The following NSD1 variants were observed in gnomAD, a reference collection of about 807,000 sequenced individuals.
NSD1 encodes nuclear receptor binding SET domain protein 1.
A neutral mutation model predicts 242.7 loss-of-function variants in NSD1; 26 were observed. The observed-to-expected ratio is 0.11, with a 90% CI of 0.08 to 0.15. The LOEUF is 0.15. NSD1 is among the 10% of genes least tolerant of loss of function. The pLI is 1.00. For missense variants in NSD1, 2,495 were observed against 3,272.8 expected, an observed-to-expected ratio of 0.76 and a Z score of 5.80; for synonymous variants, 1,106 against 1,178.1, an observed-to-expected ratio of 0.94 and a Z score of 1.25.
chr5:177,153,158 G>A (rs1757861712), intron 2 of NSD1, among the ~76,000 whole-genome samples: 1 of 151,340 alleles, frequency 6.6e-6, no homozygotes, highest in Non-Finnish European at 1.5e-5. Flanking sequence ...GTGAAGTCTT[G>A]ATAGATACCT....
At position 177,291,969 on chromosome 5, in the gene NSD1, A is replaced by T; in HGVS notation, c.6274A>T (p.Thr2092Ser). ...TGACCTGTAGAATCAACCCATTGCC[A>T]CGGAAGAAAAGTCAAAGAAATTCAA... ...GVRPKNQPIA[T>S]EEKSKKFKKK... The change falls in exon 22 of 23, where the codon ACG becomes TCG. Residue 2092 changes from threonine (T) to serine (S), a missense_variant. Coordinates refer to ENST00000439151, the MANE Select transcript of NSD1 (RefSeq NM_022455.5). 1 of 1,613,822 alleles carries T rather than the reference A, an allele frequency of 6.2e-7. No individual in the cohort carries two copies. Among genetic ancestry groups the T allele is most frequent in the South Asian group, 1.1e-5 (1 of 91,022 alleles).
At chr5:177,249,767 G>A (rs1199814337) in intron 11 of NSD1, among the ~76,000 whole-genome samples, 3 of 152,168 alleles carry the variant, frequency 2.0e-5, no homozygotes, top group South Asian at 2.1e-4. Flanking sequence ...GATTACAGGC[G>A]TGAGCCACCA....
chr5:177,159,921 G>A (rs973043071), intron 2 of NSD1, among the ~76,000 whole-genome samples: 2 of 150,088 alleles, frequency 1.3e-5, no homozygotes, highest in Non-Finnish European at 3.0e-5. Context: ...ATGGAGTCTC[G>A]CTCTGTGGCC....
Position 177,210,336 on chromosome 5 carries a change from G to C in NSD1, c.1937G>C (p.Ser646Thr). ...ISICTTSDDG[S>T]SDLDPIEHSS... ...ATCTGTACCACTTCTGATGATGGAA[G>C]CAGTGACCTGGATCCCATAGAACAC... Residue 646 changes from serine to threonine, a missense_variant, in exon 5 of 23, where the codon AGC (serine) becomes ACC (threonine). This residue lies in a region of NSD1 where 515 missense variants were observed against 467.0 expected (regional missense o/e 1.10). Transcript: ENST00000439151. 6.2e-7 allele frequency: 1 copy of C among 1,614,064 alleles called. No individual in the cohort carries two copies. Among genetic ancestry groups the C allele is most frequent in the Non-Finnish European group, 8.5e-7 (1 of 1,179,976 alleles).
In NSD1 at chr5:177,240,605, C is replaced by T. The variant is rs573136952; in HGVS notation, c.4302+740C>T. Among the ~76,000 whole-genome samples, 310 of 151,894 alleles carry T rather than the reference C, an allele frequency of 2.0e-3. 2 individuals are homozygous for T. The highest frequency in any genetic ancestry group is 2.0e-3 in the Non-Finnish European group (133 of 67,938). On this transcript the variant is annotated intron_variant, in intron 8 of 22. Coordinates refer to ENST00000439151, the MANE Select transcript of NSD1 (RefSeq NM_022455.5). Reference sequence around the variant, plus strand: ...GCAGGCGCCTGTAGTCCCAGCTACTCGGGAGGCTGAGGCAGGAGAATGGTG... The same window carrying T: ...GCAGGCGCCTGTAGTCCCAGCTACTTGGGAGGCTGAGGCAGGAGAATGGTG...
At chr5:177,157,028 T>A (rs1199056282) in intron 2 of NSD1, among the ~76,000 whole-genome samples, 1 of 152,150 alleles carries the variant, frequency 6.6e-6, no homozygotes, top group African/African-American at 2.4e-5. Context: ...ACTCCGTCTC[T>A]AAATAAATAA....
intron 12 of NSD1, among the ~76,000 whole-genome samples, chr5:177,256,182 T>C (rs559807517): frequency 2.6e-5 from 4 of 152,122 alleles, no homozygotes; most frequent in Non-Finnish European, 5.9e-5. Context: ...TTAGGGAGAT[T>C]ACCAGCATTG....
intron 2 of NSD1, among the ~76,000 whole-genome samples, chr5:177,180,900 C>T (rs1008032411): frequency 2.6e-5 from 4 of 151,096 alleles, no homozygotes; most frequent in Admixed American, 2.6e-4. Flanking sequence ...CCAGGCTGGT[C>T]TTGAACTCCT....
chr5:177,233,530 G>A, intron 5 of NSD1, among the ~76,000 whole-genome samples: 1 of 128,688 alleles, frequency 7.8e-6, no homozygotes, highest in African/African-American at 3.0e-5. Flanking sequence ...CACCATGCCT[G>A]GCTAGTATTT....
rs533669373 is a variant in NSD1 at position 177,296,314 on chromosome 5, G to A, written c.*855G>A. On this transcript the variant is annotated 3_prime_UTR_variant, in exon 23 of 23. Transcript: ENST00000439151. ...TCTGTGCGAATGTAGATTTCCAGCA[G>A]TGGAAGAAGGCATTTGGCAAGCTTC... 62 of 233,480 alleles carry A rather than the reference G, an allele frequency of 2.7e-4. 1 individual carries two copies. The highest frequency in any genetic ancestry group is 1.2e-3 in the Middle Eastern group (1 of 810). 14.5% of individuals were successfully genotyped at this position (233,480 alleles called of 1,614,324 possible).
At chr5:177,147,650 C>T (rs910015138) in intron 2 of NSD1, among the ~76,000 whole-genome samples, 3 of 151,610 alleles carry the variant, frequency 2.0e-5, no homozygotes, top group Admixed American at 6.6e-5. Context: ...AGTGCAATGG[C>T]ATGATCTTGG....
intron 3 of NSD1, among the ~76,000 whole-genome samples, chr5:177,199,694 G>A (rs935583248): frequency 2.0e-5 from 3 of 151,756 alleles, no homozygotes; most frequent in Non-Finnish European, 4.4e-5. Flanking sequence ...CTGACATCCT[G>A]GTTCAAGCAA....
rs1756122033 is a variant in NSD1, at chr5:177,134,372, G to T, written c.-18+420G>T. 1.3e-5 allele frequency: 2 copies of T among 152,994 alleles called. No homozygotes were observed. Among genetic ancestry groups the T allele is most frequent in the South Asian group, 1.9e-4 (1 of 5,400 alleles). 9.5% of individuals were successfully genotyped at this position (152,994 alleles called of 1,614,324 possible). The stretch of plus-strand genomic sequence containing the variant: ...GCGGCTGCGGGAAGGAGCGCGGCCC[G>T]GGCAGGCGGCGGCGGCGTCGGCAGC... On this transcript the variant is annotated intron_variant, in intron 1 of 22. Coordinates refer to ENST00000439151, the MANE Select transcript of NSD1 (RefSeq NM_022455.5). This position sits in a 1 kb window ranked among gnomAD's most constrained non-coding sequence, Gnocchi z 4.2.
chr5:177,208,861 A>G (rs932197535), intron 4 of NSD1, among the ~76,000 whole-genome samples: 1 of 151,790 alleles, frequency 6.6e-6, no homozygotes, highest in Non-Finnish European at 1.5e-5. Context: ...ACACCTGGCT[A>G]ATTTTTTTAT....
At chr5:177,206,783 G>C (rs888248014) in intron 4 of NSD1, among the ~76,000 whole-genome samples, 5 of 151,620 alleles carry the variant, frequency 3.3e-5, no homozygotes, top group Non-Finnish European at 7.4e-5. Flanking sequence ...GTGTTTATTG[G>C]GGCTTTCAGA....
intron 9 of NSD1, 139 bp from the exon 10 acceptor site, chr5:177,246,539 T>C (rs1435052464): frequency 1.4e-6 from 1 of 697,602 alleles, no homozygotes; most frequent in Non-Finnish European, 2.6e-6. Flanking sequence ...GTCTCAATTA[T>C]TATTTCCCCC....
Position 177,273,786 on chromosome 5 carries a change from TGAG to T in NSD1, c.5622+6_5622+8del, listed in dbSNP as rs745871288. On this transcript the variant is annotated splice_donor_5th_base_variant and intron_variant, in intron 17 of 22. Transcript: ENST00000439151. ...CCACCACCTTATAAACATATAAAGG[TGAG>T]GAGAAAATCTTGGGGGACCTTCTCT... The T allele has an allele frequency of 7.2e-5, 116 of 1,602,314 alleles. No individual in the cohort carries two copies. Among genetic ancestry groups the T allele is most frequent in the Non-Finnish European group, 3.4e-5 (40 of 1,169,816 alleles).
chr5:177,170,577 T>A (rs1759616750), intron 2 of NSD1, among the ~76,000 whole-genome samples: 3 of 152,106 alleles, frequency 2.0e-5, no homozygotes, highest in South Asian at 4.1e-4. Flanking sequence ...GGTCTCCAAC[T>A]CCTGAGCTCA....
chr5:177,169,780 A>G (rs1759534707), intron 2 of NSD1: 1 of 152,234 alleles, frequency 6.6e-6, no homozygotes. Context: ...GATATATAAC[A>G]TAACCACATT....
Sources: allele counts gnomAD v4.1 joint callset (sites outside exome capture counted in the v4.1 genomes callset), GRCh38; gene constraint gnomAD v4.1.1; regional missense constraint gnomAD v4.1.1; non-coding constraint Gnocchi (gnomAD v3.1); transcripts MANE v1.5; gene names NCBI Gene and HGNC (gene_info 2026-07-23, HGNC 2026-07-21).